NFATC2: variants seen among roughly 807,000 people sequenced by gnomAD.
The protein encoded by NFATC2 is nuclear factor of activated T cells 2.
NFATC2 carries 22 observed loss-of-function variants against 87.3 expected under a neutral mutation model. That is an observed-to-expected ratio of 0.25 (90% confidence interval 0.18 to 0.36). The LOEUF (loss-of-function observed/expected upper bound fraction) is 0.36. Among genes scored for constraint, NFATC2 ranks in the 10% least tolerant of loss-of-function variants. NFATC2 has a pLI of 1.00. For missense variants in NFATC2, 1,149 were observed against 1,259.1 expected (o/e 0.91, Z 1.32); for synonymous variants, 565 against 542.2 (o/e 1.04, Z -0.58).
At chr20:51,462,863 C>A (rs1258001049) in intron 5 of NFATC2, among the ~76,000 whole-genome samples, 1 of 151,892 alleles carries the variant, frequency 6.6e-6, no homozygotes, top group Non-Finnish European at 1.5e-5. Flanking sequence ...GAGCTCACAG[C>A]AAATGGACAA....
At chr20:51,482,637 C>T (rs536039402) in intron 3 of NFATC2, among the ~76,000 whole-genome samples, 1 of 152,144 alleles carries the variant, frequency 6.6e-6, no homozygotes, top group Non-Finnish European at 1.5e-5. Context: ...ATTAACACAT[C>T]CATCACCTCA....
In NFATC2 at chr20:51,562,514, G is replaced by C; in HGVS notation, c.70+46C>G. 4 of 1,499,730 alleles carry C rather than the reference G, an allele frequency of 2.7e-6. No individual in the cohort carries two copies. Among genetic ancestry groups the C allele is most frequent in the Non-Finnish European group, 1.8e-6 (2 of 1,102,530 alleles). The allele number at this position is 1,499,730 out of a possible 1,614,324, so 92.9% of individuals were successfully genotyped here. Reference sequence around the variant, plus strand: ...GGGACGGGAGCAGCAGGAAAGGGCCGGGAGGAGCGAGCGGAAAAGGCTGGA... The same window carrying C: ...GGGACGGGAGCAGCAGGAAAGGGCCCGGAGGAGCGAGCGGAAAAGGCTGGA... On this transcript the variant is annotated intron_variant, in intron 1 of 10. Coordinates refer to the NFATC2 transcript ENST00000414705. The surrounding 1 kb of genome is among the most constrained non-coding windows in gnomAD (Gnocchi z 5.8).
At chr20:51,444,809 C>A (rs1984836894) in intron 6 of NFATC2, among the ~76,000 whole-genome samples, 1 of 152,146 alleles carries the variant, frequency 6.6e-6, no homozygotes, top group South Asian at 2.1e-4. Flanking sequence ...GCTTAATGAG[C>A]CCAGCAGACA....
intron 6 of NFATC2, among the ~76,000 whole-genome samples, chr20:51,445,901 G>A (rs1262244396): frequency 2.0e-5 from 3 of 152,194 alleles, no homozygotes; most frequent in Non-Finnish European, 4.4e-5. Flanking sequence ...TTACACAGAG[G>A]TCGGATTTCA....
intron 6 of NFATC2, among the ~76,000 whole-genome samples, chr20:51,440,377 G>A (rs1984167278): frequency 6.6e-6 from 1 of 151,744 alleles, no homozygotes; most frequent in Non-Finnish European, 1.5e-5. Flanking sequence ...AAAAACACAA[G>A]CATTTTAAAA....
chr20:51,531,035 G>A (rs930881681), intron 1 of NFATC2, among the ~76,000 whole-genome samples: 1 of 152,240 alleles, frequency 6.6e-6, no homozygotes, highest in Non-Finnish European at 1.5e-5. Context: ...ATTGTTATAA[G>A]CACATTACAT....
At chr20:51,472,286 G>C (rs1256650333) in intron 5 of NFATC2, among the ~76,000 whole-genome samples, 1 of 152,066 alleles carries the variant, frequency 6.6e-6, no homozygotes, top group South Asian at 2.1e-4. Context: ...CAAAATATTT[G>C]ATCACATTGA....
intron 2 of NFATC2, among the ~76,000 whole-genome samples, chr20:51,519,244 T>G (rs2076402610): frequency 6.6e-6 from 1 of 151,998 alleles, no homozygotes; most frequent in Non-Finnish European, 1.5e-5. Flanking sequence ...CACCAAAAAT[T>G]TTGTGAGAAG....
At chr20:51,467,964 A>T (rs1314009901) in intron 5 of NFATC2, among the ~76,000 whole-genome samples, 2 of 152,248 alleles carry the variant, frequency 1.3e-5, no homozygotes, top group Admixed American at 1.3e-4. Context: ...GCAATTGAAT[A>T]GTAGTGCTCA....
intron 3 of NFATC2, among the ~76,000 whole-genome samples, chr20:51,483,655 C>A (rs75277592): frequency 6.9e-6 from 1 of 145,180 alleles, no homozygotes; most frequent in Non-Finnish European, 1.5e-5. Context: ...GCAGACCAGG[C>A]ACACTTCGTC....
At chr20:51,429,766 TTTTTCATC>T (rs1982420696) in intron 9 of NFATC2, among the ~76,000 whole-genome samples, 1 of 152,120 alleles carries the variant, frequency 6.6e-6, no homozygotes, top group Admixed American at 6.5e-5. Flanking sequence ...TTAACCTAGT[TTTTTCATC>T]TTTTAAAGCC....
intron 5 of NFATC2, among the ~76,000 whole-genome samples, chr20:51,465,821 C>T (rs2146478514): frequency 6.6e-6 from 1 of 152,192 alleles, no homozygotes; most frequent in South Asian, 2.1e-4. Context: ...GTCTTCCCCA[C>T]TAGAATGTAA....
intron 6 of NFATC2, among the ~76,000 whole-genome samples, chr20:51,450,217 G>A (rs1315995568): frequency 6.6e-6 from 1 of 152,166 alleles, no homozygotes; most frequent in Non-Finnish European, 1.5e-5. Context: ...GCAGATCAGG[G>A]ATTTGAACCC....
At chr20:51,404,512 A>G (rs1010756437) in intron 9 of NFATC2, among the ~76,000 whole-genome samples, 5 of 152,228 alleles carry the variant, frequency 3.3e-5, no homozygotes, top group African/African-American at 1.2e-4. Context: ...CATCTGTAAT[A>G]TGGGAATGCA....
At chr20:51,553,287 G>C (rs754472828) in intron 1 of NFATC2, among the ~76,000 whole-genome samples, 23 of 152,090 alleles carry the variant, frequency 1.5e-4, no homozygotes, top group Non-Finnish European at 2.6e-4. Context: ...CTTCCACCTG[G>C]TCCCCGCACA....
intron 3 of NFATC2, among the ~76,000 whole-genome samples, chr20:51,481,068 C>T (rs943636245): frequency 6.6e-6 from 1 of 152,140 alleles, no homozygotes; most frequent in Non-Finnish European, 1.5e-5. Context: ...GGAATACTTC[C>T]CGTCCACCCT....
At chr20:51,491,732 T>G (rs1179526189) in intron 3 of NFATC2, among the ~76,000 whole-genome samples, 1 of 152,080 alleles carries the variant, frequency 6.6e-6, no homozygotes, top group African/African-American at 2.4e-5. Flanking sequence ...AGGACACTCC[T>G]GGGCACCCAT....
chr20:51,452,138 A>G (rs773993371), intron 6 of NFATC2, among the ~76,000 whole-genome samples: 3 of 151,850 alleles, frequency 2.0e-5, no homozygotes, highest in Non-Finnish European at 4.4e-5. Context: ...AAGCAACGCT[A>G]CTCCTCAGCT....
chr20:51,458,791 C>T (rs773724642), intron 5 of NFATC2, among the ~76,000 whole-genome samples: 6 of 151,822 alleles, frequency 4.0e-5, no homozygotes, highest in East Asian at 3.9e-4. Flanking sequence ...TCCAGCCTGG[C>T]GACAGAGCGA....
Sources: allele counts gnomAD v4.1 joint callset (sites outside exome capture counted in the v4.1 genomes callset), GRCh38; gene constraint gnomAD v4.1.1; non-coding constraint Gnocchi (gnomAD v3.1); transcripts MANE v1.5; gene names NCBI Gene and HGNC (gene_info 2026-07-23, HGNC 2026-07-21).